CDH11: variants seen among roughly 807,000 people sequenced by gnomAD.
CDH11 encodes cadherin-11.
A neutral mutation model predicts 67.8 loss-of-function variants in CDH11; 11 were observed. The observed-to-expected ratio is 0.16, with a 90% CI of 0.10 to 0.27. CDH11 has a LOEUF of 0.27. CDH11 is among the 10% of genes least tolerant of loss of function. The pLI is 1.00. For missense variants in CDH11, 847 were observed against 1,031.2 expected (o/e 0.82, Z 2.45); for synonymous variants, 419 against 400.0 (o/e 1.05, Z -0.57).
At chr16:65,123,238 A>G (rs2075365688), upstream of CDH11, among the ~76,000 whole-genome samples, 1 of 152,000 alleles carries the variant, frequency 6.6e-6, no homozygotes, top group South Asian at 2.1e-4. Context: ...ACAAGTTTGC[A>G]GGGTGGGAGG....
At chr16:64,965,367 G>A (rs1190335477) in intron 11 of CDH11, among the ~76,000 whole-genome samples, 2 of 152,198 alleles carry the variant, frequency 1.3e-5, no homozygotes, top group East Asian at 3.9e-4. Flanking sequence ...GGGCAACAGA[G>A]CAAGACTCCA....
At chr16:65,055,789 A>C (rs1251275731) in intron 1 of CDH11, among the ~76,000 whole-genome samples, 2 of 152,222 alleles carry the variant, frequency 1.3e-5, no homozygotes. Flanking sequence ...GATCAGCAGT[A>C]GAATGTTATG....
chr16:65,102,016 C>T (rs1358440348), intron 1 of CDH11, among the ~76,000 whole-genome samples: 1 of 152,140 alleles, frequency 6.6e-6, no homozygotes, highest in African/African-American at 2.4e-5. Context: ...ATATTGCATT[C>T]ATACAATATA....
At chr16:65,038,615 C>T (rs931537242) in intron 2 of CDH11, among the ~76,000 whole-genome samples, 5 of 152,138 alleles carry the variant, frequency 3.3e-5, no homozygotes, top group Admixed American at 1.3e-4. Context: ...TCTAAATATC[C>T]GTGGATCCCA....
Position 64,991,850 on chromosome 16 carries a change from T to A in CDH11, c.729A>T (p.Gly243=), listed in dbSNP as rs1488242849. 1 of 1,613,796 alleles carries A rather than the reference T, an allele frequency of 6.2e-7. No individual in the cohort carries two copies. Among genetic ancestry groups the A allele is most frequent in the South Asian group, 1.1e-5 (1 of 91,076 alleles). Residue 243 remains glycine, a synonymous_variant, in exon 6 of 13, where the codon GGA becomes GGT. Coordinates refer to ENST00000268603, the MANE Select transcript of CDH11 (RefSeq NM_001797.4). The part of the protein sequence containing the change: ...HVVIQAKDMG[G]HMGGLSGTTK... ...TTGTCCCTGAGAGTCCGCCCATATG[T>A]CCACCCATGTCCTTGGCCTGGATCA... is the stretch of plus-strand genomic sequence containing the variant.
chr16:65,037,073 G>A (rs1047533186), intron 2 of CDH11, among the ~76,000 whole-genome samples: 2 of 152,098 alleles, frequency 1.3e-5, no homozygotes, highest in Admixed American at 6.5e-5. Context: ...CCACATCACT[G>A]CAGCCTGCTC....
At chr16:65,084,731 TG>T (rs2074667823) in intron 1 of CDH11, among the ~76,000 whole-genome samples, 1 of 152,214 alleles carries the variant, frequency 6.6e-6, no homozygotes, top group African/African-American at 2.4e-5. Context: ...CATGTGTTTT[TG>T]TATAATATCT....
chr16:65,089,677 T>G (rs998513056), intron 1 of CDH11, among the ~76,000 whole-genome samples: 2 of 152,186 alleles, frequency 1.3e-5, no homozygotes, highest in Admixed American at 1.3e-4. Context: ...AAGCCAATTC[T>G]AATGAATTGT....
At chr16:65,060,737 G>A (rs900836167) in intron 1 of CDH11, among the ~76,000 whole-genome samples, 7 of 151,926 alleles carry the variant, frequency 4.6e-5, no homozygotes, top group African/African-American at 1.7e-4. Flanking sequence ...TAATGCACAT[G>A]ATCAAACAGA....
At chr16:64,951,702 T>G (rs945686922) in intron 11 of CDH11, among the ~76,000 whole-genome samples, 1 of 152,196 alleles carries the variant, frequency 6.6e-6, no homozygotes, top group African/African-American at 2.4e-5. Flanking sequence ...GTTTAGCCAA[T>G]TTTTGTTTGT....
At chr16:64,968,651 G>T (rs74026213) in intron 11 of CDH11, 2 of 642,330 alleles carry the variant, frequency 3.1e-6, no homozygotes, top group Non-Finnish European at 1.9e-6. Flanking sequence ...TTCTAAAAAC[G>T]CTGAATGCTT....
At chr16:65,005,602 G>A (rs1234199467) in intron 2 of CDH11, among the ~76,000 whole-genome samples, 1 of 152,188 alleles carries the variant, frequency 6.6e-6, no homozygotes, top group African/African-American at 2.4e-5. Flanking sequence ...GGGAAGGGAT[G>A]TAGGGGAAGA....
intron 2 of CDH11, among the ~76,000 whole-genome samples, chr16:65,046,569 C>G (rs1256379974): frequency 6.6e-6 from 1 of 152,194 alleles, no homozygotes; most frequent in Non-Finnish European, 1.5e-5. Context: ...GAACTGCACT[C>G]TGGTCTCCAG....
At position 64,967,689 on chromosome 16, in the gene CDH11, C is replaced by CT. The variant is rs895183307; in HGVS notation, c.1642+3889dup. 1.1e-3 allele frequency among the ~76,000 whole-genome samples: 161 copies of CT among 145,902 alleles called. 1 individual carries two copies. Among genetic ancestry groups the CT allele is most frequent in the African/African-American group, 3.2e-3 (127 of 39,766 alleles). On this transcript the variant is annotated intron_variant, in intron 11 of 12. Transcript: ENST00000268603. ...GGACATATATTTCACAGTTGCTTTT[C>CT]TTTTTTTTTTAAGAAAAGAAATGTA...
At chr16:65,015,504 GC>G (rs1309669547) in intron 2 of CDH11, among the ~76,000 whole-genome samples, 1 of 151,848 alleles carries the variant, frequency 6.6e-6, no homozygotes, top group Non-Finnish European at 1.5e-5. Flanking sequence ...AGCAGAGAGG[GC>G]AGGGGAAGCA....
Position 65,033,519 on chromosome 16 carries a change from T to C in CDH11, c.-173+20285A>G, listed in dbSNP as rs537482842. Among the ~76,000 whole-genome samples, 10 of 152,062 alleles carry C rather than the reference T, an allele frequency of 6.6e-5. No homozygotes were observed. In the East Asian group the frequency reaches 1.9e-3, roughly 30 times the overall value. On this transcript the variant is annotated intron_variant, in intron 2 of 12. Coordinates refer to ENST00000268603, the MANE Select transcript of CDH11 (RefSeq NM_001797.4). ...ACTTTGGGAGGCTGAGACGGGTGGATCACGAGGTCAGGAGACAGGCCATCC... is the reference window on the plus strand; with the variant it reads ...ACTTTGGGAGGCTGAGACGGGTGGACCACGAGGTCAGGAGACAGGCCATCC...
chr16:65,035,351 CA>C (rs1278007131), intron 2 of CDH11, among the ~76,000 whole-genome samples: 1 of 152,174 alleles, frequency 6.6e-6, no homozygotes, highest in Non-Finnish European at 1.5e-5. Flanking sequence ...TTTGGTAATT[CA>C]GCTCAAAGTA....
chr16:65,046,050 G>A (rs1391353392), intron 2 of CDH11, among the ~76,000 whole-genome samples: 4 of 152,132 alleles, frequency 2.6e-5, no homozygotes, highest in East Asian at 1.9e-4. Context: ...CATGCTGTTC[G>A]AAGTCCCTCT....
rs138975087 is a variant in CDH11, at chr16:65,092,642, G to A, written c.-298+29238C>T. ...TGGCCAAGCCCAGACCAAGTGTCAG[G>A]TGTCCATTCACCTAGTCCCCAGATG... On this transcript the variant is annotated intron_variant, in intron 1 of 12. Coordinates refer to ENST00000268603, the MANE Select transcript of CDH11 (RefSeq NM_001797.4). Among the ~76,000 whole-genome samples, 213 of 152,222 alleles carry A rather than the reference G, an allele frequency of 1.4e-3. 1 individual carries two copies. Among genetic ancestry groups the A allele is most frequent in the African/African-American group, 4.9e-3 (205 of 41,530 alleles).
Sources: gnomAD v4.1 joint callset for allele counts (sites outside exome capture counted in the v4.1 genomes callset) on GRCh38, gnomAD v4.1.1 for gene constraint, MANE v1.5 for transcripts, NCBI Gene and HGNC (gene_info 2026-07-23, HGNC 2026-07-21) for gene names.